Variants in PLXDC2 observed in about 807,000 individuals in gnomAD.
PLXDC2 encodes plexin domain-containing protein 2.
A neutral mutation model predicts 68.9 loss-of-function variants in PLXDC2; 40 were observed. The observed-to-expected ratio is 0.58, with a 90% CI of 0.45 to 0.76. PLXDC2 has a LOEUF of 0.76. PLXDC2 is among the 30% of genes least tolerant of loss of function. PLXDC2 has a pLI of 0.00. For synonymous variants in PLXDC2, 243 were observed against 234.2 expected (o/e 1.04, Z -0.34); for missense variants, 644 against 661.9 (o/e 0.97, Z 0.30).
intron 9 of PLXDC2, among the ~76,000 whole-genome samples, chr10:20,198,708 A>G (rs1309456939): frequency 6.6e-6 from 1 of 152,252 alleles, no homozygotes; most frequent in African/African-American, 2.4e-5. Flanking sequence ...ATGAGTGTCA[A>G]CATTTCAATA....
chr10:19,873,734 A>G (rs536599650), intron 1 of PLXDC2, among the ~76,000 whole-genome samples: 6 of 152,344 alleles, frequency 3.9e-5, no homozygotes, highest in African/African-American at 1.4e-4. Context: ...TTACTAGAAA[A>G]TGTACATGAT....
intron 13 of PLXDC2, among the ~76,000 whole-genome samples, chr10:20,251,888 T>C (rs1263114498): frequency 2.0e-5 from 3 of 151,554 alleles, no homozygotes; most frequent in Non-Finnish European, 4.4e-5. Flanking sequence ...AAGAACCTCA[T>C]GATAAAAATG....
At chr10:20,235,999 A>G (rs537782681) in intron 12 of PLXDC2, among the ~76,000 whole-genome samples, 2 of 152,304 alleles carry the variant, frequency 1.3e-5, no homozygotes, top group South Asian at 2.1e-4. Flanking sequence ...TATCTTAACC[A>G]TGCAAAGGCT....
intron 9 of PLXDC2, among the ~76,000 whole-genome samples, chr10:20,204,640 A>G (rs1834966083): frequency 6.6e-6 from 1 of 152,190 alleles, no homozygotes; most frequent in Non-Finnish European, 1.5e-5. Flanking sequence ...GTTTTTACAT[A>G]TAGAGCATAG....
intron 1 of PLXDC2, among the ~76,000 whole-genome samples, chr10:19,950,855 C>CA (rs1299701034): frequency 1.3e-5 from 2 of 152,150 alleles, no homozygotes; most frequent in African/African-American, 4.8e-5. Context: ...CACATACCTA[C>CA]AACCATCTAA....
At chr10:20,153,142 A>C (rs1256307532) in intron 6 of PLXDC2, among the ~76,000 whole-genome samples, 2 of 152,222 alleles carry the variant, frequency 1.3e-5, no homozygotes, top group African/African-American at 4.8e-5. Flanking sequence ...GTGGAAAGGC[A>C]AATCATTCTT....
At chr10:19,876,624 A>AAAAG (rs1388231091) in intron 1 of PLXDC2, among the ~76,000 whole-genome samples, 5 of 139,114 alleles carry the variant, frequency 3.6e-5, no homozygotes, top group African/African-American at 1.0e-4. Context: ...AAAAAAAAAA[A>AAAAG]AGAGAGAGAG....
chr10:19,942,591 G>A (rs149365919), intron 1 of PLXDC2, among the ~76,000 whole-genome samples: 99 of 152,156 alleles, frequency 6.5e-4, no homozygotes, highest in African/African-American at 2.4e-3. Flanking sequence ...GGTGAAACCC[G>A]TCTCGACCAA....
intron 13 of PLXDC2, among the ~76,000 whole-genome samples, chr10:20,253,417 G>A (rs184751893): frequency 6.6e-6 from 1 of 150,776 alleles, no homozygotes; most frequent in East Asian, 2.0e-4. Flanking sequence ...TTTCTTGATG[G>A]GGAAACACTC....
chr10:19,842,645 G>T (rs1836931559), intron 1 of PLXDC2, among the ~76,000 whole-genome samples: 1 of 152,160 alleles, frequency 6.6e-6, no homozygotes, highest in South Asian at 2.1e-4. Flanking sequence ...AAGATTATCT[G>T]CAAAACCTAA....
chr10:19,895,598 C>G (rs1020856107), intron 1 of PLXDC2, among the ~76,000 whole-genome samples: 20 of 152,132 alleles, frequency 1.3e-4, no homozygotes, highest in African/African-American at 4.8e-4. Flanking sequence ...GTATTTTGCA[C>G]TTACAGCACA....
chr10:20,121,317 T>C (rs188824805), intron 4 of PLXDC2, among the ~76,000 whole-genome samples: 1,905 of 152,268 alleles, frequency 0.013, 32 homozygotes, highest in African/African-American at 0.04. Flanking sequence ...CTACAGGGTG[T>C]GGTCCTGGCT....
chr10:20,157,684 C>T (rs1388448598), intron 6 of PLXDC2, among the ~76,000 whole-genome samples: 1 of 152,186 alleles, frequency 6.6e-6, no homozygotes, highest in Non-Finnish European at 1.5e-5. Flanking sequence ...TTACCCCTGA[C>T]ATCTTTTCCT....
rs1172281665 is a variant in PLXDC2 at position 20,289,417 on chromosome 10, C to G, written c.*9598C>G. On this transcript the variant is annotated 3_prime_UTR_variant, in exon 14 of 14. Transcript: ENST00000377252. Reference sequence around the variant, plus strand: ...CAAGGTACTTCAGTTCAGCTCTTGCCTCTGTCACTAATCTTGCTTTATGAA... The same window carrying G: ...CAAGGTACTTCAGTTCAGCTCTTGCGTCTGTCACTAATCTTGCTTTATGAA... The G allele has an allele frequency of 6.6e-6, 1 of 152,218 alleles. No individual in the cohort carries two copies. The highest frequency in any genetic ancestry group is 1.9e-4 in the East Asian group (1 of 5,202). The allele number at this position is 152,218 out of a possible 1,614,324, so 9.4% of individuals were successfully genotyped here.
intron 13 of PLXDC2, among the ~76,000 whole-genome samples, chr10:20,250,034 A>G (rs975725449): frequency 2.6e-5 from 4 of 152,078 alleles, no homozygotes; most frequent in Non-Finnish European, 4.4e-5. Context: ...TTGGGAGGCC[A>G]AGGCGGGCAG....
chr10:20,090,997 T>C (rs1333655298), intron 4 of PLXDC2, among the ~76,000 whole-genome samples: 1 of 152,186 alleles, frequency 6.6e-6, no homozygotes, highest in African/African-American at 2.4e-5. Flanking sequence ...TAACAAATCA[T>C]TTTGCTATCT....
chr10:20,142,979 G>A (rs962822396), intron 4 of PLXDC2, among the ~76,000 whole-genome samples: 6 of 151,920 alleles, frequency 3.9e-5, no homozygotes, highest in African/African-American at 1.2e-4. Context: ...TTGAATATTT[G>A]AATTACTTAT....
chr10:19,947,481 T>C (rs1450302140), intron 1 of PLXDC2, among the ~76,000 whole-genome samples: 1 of 152,236 alleles, frequency 6.6e-6, no homozygotes, highest in African/African-American at 2.4e-5. Context: ...TCCTGCTCAC[T>C]GATGTTCTGA....
At chr10:20,102,152 T>C (rs148312117) in intron 4 of PLXDC2, among the ~76,000 whole-genome samples, 2 of 152,316 alleles carry the variant, frequency 1.3e-5, no homozygotes, top group Non-Finnish European at 2.9e-5. Context: ...GCTCAGTGAC[T>C]GCTACCATTG....
Sources: gnomAD v4.1 joint callset for allele counts (sites outside exome capture counted in the v4.1 genomes callset) on GRCh38, gnomAD v4.1.1 for gene constraint, MANE v1.5 for transcripts, NCBI Gene and HGNC (gene_info 2026-07-23, HGNC 2026-07-21) for gene names.